CHST11: variants seen among roughly 807,000 people sequenced by gnomAD.
The protein encoded by CHST11 is C4S-1.
In CHST11, 9 loss-of-function variants were observed where a neutral mutation model predicts 30.4. That is an observed-to-expected ratio of 0.30 (90% CI 0.18 to 0.52). The LOEUF is 0.52. CHST11 is among the 20% of genes least tolerant of loss of function. CHST11 has a pLI of 0.97. For missense variants in CHST11, 348 were observed against 460.6 expected, an observed-to-expected ratio of 0.76 and a Z score of 2.24; for synonymous variants, 152 against 187.8, an observed-to-expected ratio of 0.81 and a Z score of 1.56.
intron 1 of CHST11, among the ~76,000 whole-genome samples, chr12:104,591,456 A>G (rs1592782358): frequency 6.6e-6 from 1 of 151,578 alleles, no homozygotes; most frequent in Admixed American, 6.6e-5. Flanking sequence ...GGCATAGCAG[A>G]CAGAAAAGGG....
intron 1 of CHST11, among the ~76,000 whole-genome samples, chr12:104,572,303 T>C: frequency 2.7e-5 from 4 of 150,690 alleles, no homozygotes; most frequent in Non-Finnish European, 5.9e-5. Context: ...CAGCTCCTCC[T>C]TGTACCTCTG....
intron 1 of CHST11, among the ~76,000 whole-genome samples, chr12:104,508,526 T>C (rs1325214150): frequency 1.3e-5 from 2 of 152,154 alleles, no homozygotes; most frequent in Non-Finnish European, 2.9e-5. Context: ...TCATATCCAA[T>C]AACTGGGAAA....
intron 1 of CHST11, among the ~76,000 whole-genome samples, chr12:104,539,988 T>G (rs2038272027): frequency 6.6e-6 from 1 of 152,208 alleles, no homozygotes; most frequent in African/African-American, 2.4e-5. Flanking sequence ...AAAGGTGTCT[T>G]AGTATTTATT....
rs140513395 is a variant in CHST11 at position 104,686,744 on chromosome 12, C to T, written c.205-70205C>T. Among the ~76,000 whole-genome samples, 757 of 152,188 alleles carry T rather than the reference C, an allele frequency of 5.0e-3. 6 individuals carry two copies. Among genetic ancestry groups the T allele is most frequent in the African/African-American group, 0.017 (721 of 41,512 alleles). ...CTCACCGTAACCTCCGCCTCCCAGG[C>T]TCAAGCAATTCTCCTGCCTCAGCCT... is the stretch of plus-strand genomic sequence containing the variant. On this transcript the variant is annotated intron_variant, in intron 2 of 2. Transcript: ENST00000303694.
chr12:104,516,808 C>T (rs935290505), intron 1 of CHST11, among the ~76,000 whole-genome samples: 26 of 151,788 alleles, frequency 1.7e-4, no homozygotes, highest in African/African-American at 6.1e-4. Context: ...AGAAGGGGCA[C>T]ATTAGGAGAG....
At chr12:104,472,854 G>C (rs1386088766) in intron 1 of CHST11, among the ~76,000 whole-genome samples, 2 of 152,106 alleles carry the variant, frequency 1.3e-5, no homozygotes, top group African/African-American at 2.4e-5. Context: ...TTGGCACCGG[G>C]CTCTGAAGGA....
At position 104,457,186 on chromosome 12, in the gene CHST11, G is replaced by T. The variant is rs1047565319; in HGVS notation, c.-226G>T. On this transcript the variant is annotated 5_prime_UTR_variant, in exon 1 of 3. Transcript: ENST00000303694. ...GAGGAGGAGCAGGAGCGCGCAGCCA[G>T]CGGGTCCACGCATCTCAGCACTTCC... is the stretch of plus-strand genomic sequence containing the variant. The T allele has an allele frequency of 3.7e-5, 14 of 373,616 alleles. No homozygotes were observed. Among genetic ancestry groups the T allele is most frequent in the Non-Finnish European group, 6.2e-5 (13 of 208,376 alleles). 23.1% of individuals were successfully genotyped at this position (373,616 alleles called of 1,614,324 possible).
At chr12:104,596,462 G>T (rs2038907804) in intron 1 of CHST11, among the ~76,000 whole-genome samples, 1 of 152,140 alleles carries the variant, frequency 6.6e-6, no homozygotes, top group Admixed American at 6.5e-5. Flanking sequence ...TGAGGGAAGT[G>T]ACAGTCCAAA....
chr12:104,749,328 C>T (rs1457596409), intron 2 of CHST11, among the ~76,000 whole-genome samples: 1 of 152,204 alleles, frequency 6.6e-6, no homozygotes, highest in African/African-American at 2.4e-5. Context: ...CATATTTCCC[C>T]TTTTGTCCTT....
intron 1 of CHST11, among the ~76,000 whole-genome samples, chr12:104,522,415 T>G (rs571492942): frequency 5.3e-5 from 8 of 152,344 alleles, no homozygotes; most frequent in East Asian, 3.9e-4. Flanking sequence ...GGTCTTCATG[T>G]GGAGGTCCGA....
intron 2 of CHST11, among the ~76,000 whole-genome samples, chr12:104,606,653 C>T (rs1289059214): frequency 6.6e-6 from 1 of 152,162 alleles, no homozygotes; most frequent in African/African-American, 2.4e-5. Context: ...TGAAAACATG[C>T]TTCCTTGAGA....
intron 1 of CHST11, among the ~76,000 whole-genome samples, chr12:104,563,791 A>G (rs61940023): frequency 0.069 from 10,502 of 151,854 alleles, 430 homozygotes; most frequent in South Asian, 0.12. Context: ...TTTTCAGCGC[A>G]CATGTAAGGG....
chr12:104,752,293 T>G (rs1437266753), intron 2 of CHST11, among the ~76,000 whole-genome samples: 1 of 152,178 alleles, frequency 6.6e-6, no homozygotes, highest in Non-Finnish European at 1.5e-5. Context: ...CTGCTTTCTC[T>G]TCTTATAAGG....
rs1367915980 is a variant in CHST11 at position 104,458,086 on chromosome 12, C to T, written c.118+557C>T. 2.0e-5 allele frequency among the ~76,000 whole-genome samples: 3 copies of T among 151,866 alleles called. No individual in the cohort carries two copies. Among genetic ancestry groups the T allele is most frequent in the African/African-American group, 4.8e-5 (2 of 41,402 alleles). On this transcript the variant is annotated intron_variant, in intron 1 of 2. Transcript: ENST00000303694. The surrounding 1 kb of genome is among the most constrained non-coding windows in gnomAD (Gnocchi z 5.7). ...CTGGGAGCCCGGGACTGGGCTCCCA[C>T]GTGTCCCGGGCTCCGCGCAGAGCTG... is the stretch of plus-strand genomic sequence containing the variant.
intron 1 of CHST11, among the ~76,000 whole-genome samples, chr12:104,536,057 A>T (rs1343867611): frequency 1.3e-5 from 2 of 152,238 alleles, no homozygotes; most frequent in African/African-American, 4.8e-5. Context: ...TTGATAAAAC[A>T]TATCAATTCA....
chr12:104,486,669 C>T (rs537965868), intron 1 of CHST11, among the ~76,000 whole-genome samples: 2 of 152,208 alleles, frequency 1.3e-5, no homozygotes, highest in South Asian at 2.1e-4. Flanking sequence ...ACGAAAGCCT[C>T]ATTGCCAGGG....
rs144014107 is a variant in CHST11, at chr12:104,717,639, T to C, written c.205-39310T>C. On this transcript the variant is annotated intron_variant, in intron 2 of 2. Coordinates refer to ENST00000303694, the MANE Select transcript of CHST11 (RefSeq NM_018413.6). ...ATACAAAAATTAGATGGTGTGGTGG[T>C]AGGCGCCTGTAGTCCCAGCTACTCT... Among the ~76,000 whole-genome samples the C allele has an allele frequency of 2.9e-3, 444 of 152,230 alleles. 1 individual carries two copies. The highest frequency in any genetic ancestry group is 4.8e-3 in the Non-Finnish European group (326 of 67,996).
chr12:104,678,804 C>T (rs1230066307), intron 2 of CHST11, among the ~76,000 whole-genome samples: 3 of 152,168 alleles, frequency 2.0e-5, no homozygotes, highest in East Asian at 3.9e-4. Flanking sequence ...ATCTACTGTG[C>T]GTCAGGCTCT....
chr12:104,557,139 G>A (rs1592761794), intron 1 of CHST11, among the ~76,000 whole-genome samples: 1 of 152,206 alleles, frequency 6.6e-6, no homozygotes, highest in East Asian at 1.9e-4. Context: ...GGTACTGGTT[G>A]GTTAGGACCT....
Sources: allele counts gnomAD v4.1 joint callset (sites outside exome capture counted in the v4.1 genomes callset), GRCh38; gene constraint gnomAD v4.1.1; non-coding constraint Gnocchi (gnomAD v3.1); transcripts MANE v1.5; gene names NCBI Gene and HGNC (gene_info 2026-07-23, HGNC 2026-07-21).